MCTP2: variants seen among roughly 807,000 people sequenced by gnomAD.
MCTP2 encodes the protein multiple C2 and transmembrane domain-containing protein 2.
Under a neutral mutation model 111.6 loss-of-function variants are expected in MCTP2, and 132 were observed. The ratio of observed to expected loss-of-function variants is 1.18; its 90% confidence interval spans 1.03 to 1.37. The LOEUF is 1.37. MCTP2 is among the 40% of genes most tolerant of loss of function. The pLI is 0.00. For missense variants in MCTP2, 1,183 were observed against 1,067.9 expected, an observed-to-expected ratio of 1.11 and a Z score of -1.50; for synonymous variants, 395 against 387.7, an observed-to-expected ratio of 1.02 and a Z score of -0.22.
At chr15:94,243,125 A>G (rs531770174) in intron 1 of MCTP2, among the ~76,000 whole-genome samples, 2 of 146,108 alleles carry the variant, frequency 1.4e-5, no homozygotes, top group East Asian at 2.1e-4. Flanking sequence ...GTATATATGT[A>G]TCTACGGGTG....
At chr15:94,402,383 T>G in intron 17 of MCTP2, 1 of 1,503,142 alleles carries the variant, frequency 6.7e-7, no homozygotes, top group Non-Finnish European at 8.9e-7. Flanking sequence ...ATTGTTCAAT[T>G]TACATTTTAA....
At chr15:94,438,639 C>T (rs1190079205) in intron 17 of MCTP2, among the ~76,000 whole-genome samples, 1 of 152,116 alleles carries the variant, frequency 6.6e-6, no homozygotes, top group Middle Eastern at 3.2e-3. Flanking sequence ...TGGTTAGCTA[C>T]CAACCATTCT....
chr15:94,374,041 A>T (rs1490702874), intron 12 of MCTP2, among the ~76,000 whole-genome samples: 1 of 152,242 alleles, frequency 6.6e-6, no homozygotes, highest in African/African-American at 2.4e-5. Flanking sequence ...TCTAATGATT[A>T]ACTGAAAAAG....
In MCTP2 at chr15:94,298,752, C is replaced by CA. The variant is rs1555447830; in HGVS notation, c.465+22_465+23insA. On this transcript the variant is annotated intron_variant, in intron 2 of 22. Transcript: ENST00000357742. Reference sequence around the variant, plus strand: ...AGAGGTGAGAATAGGGCTGGGCTCTCTTTTTTTTTGTCTCTCTCTCTCTCT... The same window carrying CA: ...AGAGGTGAGAATAGGGCTGGGCTCTCATTTTTTTTTGTCTCTCTCTCTCTCT... 3,489 of 1,462,356 alleles carry CA rather than the reference C, an allele frequency of 2.4e-3. 66 individuals carry two copies. The African/African-American group carries it at 0.042, about 18-fold the overall frequency. The allele number at this position is 1,462,356 out of a possible 1,614,324, so 90.6% of individuals were successfully genotyped here.
chr15:94,238,286 A>C (rs1335144616), intron 1 of MCTP2, among the ~76,000 whole-genome samples: 2 of 152,156 alleles, frequency 1.3e-5, no homozygotes, highest in Admixed American at 6.5e-5. Context: ...ATGAGGTAAA[A>C]CGTTTATCAT....
chr15:94,301,355 T>G (rs2075601240), intron 2 of MCTP2, among the ~76,000 whole-genome samples: 1 of 152,186 alleles, frequency 6.6e-6, no homozygotes, highest in East Asian at 1.9e-4. Context: ...CAGTCCTGCC[T>G]GTTTGAGTTG....
chr15:94,334,749 C>T (rs745996175), intron 4 of MCTP2, among the ~76,000 whole-genome samples: 1 of 151,854 alleles, frequency 6.6e-6, no homozygotes, highest in African/African-American at 2.4e-5. Flanking sequence ...GGTCTCACTG[C>T]GTCACTCAGG....
intron 4 of MCTP2, among the ~76,000 whole-genome samples, chr15:94,318,178 T>C (rs1014766768): frequency 4.6e-5 from 7 of 151,926 alleles, no homozygotes; most frequent in African/African-American, 1.5e-4. Flanking sequence ...AGTAGAAGAG[T>C]GTTCTAGAGA....
At chr15:94,234,973 C>T (rs978648884) in intron 1 of MCTP2, among the ~76,000 whole-genome samples, 2 of 152,050 alleles carry the variant, frequency 1.3e-5, no homozygotes, top group African/African-American at 2.4e-5. Context: ...TGGTGGTGGT[C>T]GGGCACAGTG....
rs531596768 is a variant in MCTP2 at position 94,428,447 on chromosome 15, A to G, written c.2086-11729A>G. ...TCCTCTTTTCCCCAGTTGTTTTTTCAGTTCTACTATGACAGTTTTAGATAT... is the reference window on the plus strand; with the variant it reads ...TCCTCTTTTCCCCAGTTGTTTTTTCGGTTCTACTATGACAGTTTTAGATAT... On this transcript the variant is annotated intron_variant, in intron 17 of 22. Transcript: ENST00000357742. 1.4e-4 allele frequency among the ~76,000 whole-genome samples: 21 copies of G among 152,058 alleles called. No homozygotes were observed. The East Asian group carries it at 3.9e-3, about 28-fold the overall frequency.
intron 4 of MCTP2, among the ~76,000 whole-genome samples, chr15:94,315,945 C>G (rs1227726202): frequency 6.6e-6 from 1 of 152,188 alleles, no homozygotes; most frequent in African/African-American, 2.4e-5. Flanking sequence ...TTTCCTCAAT[C>G]CTACTTTAAT....
chr15:94,425,477 G>A (rs1443420268), intron 17 of MCTP2, among the ~76,000 whole-genome samples: 1 of 151,894 alleles, frequency 6.6e-6, no homozygotes, highest in Non-Finnish European at 1.5e-5. Context: ...AAGTAAGTCA[G>A]AGGCAAACTT....
Position 94,427,309 on chromosome 15 carries a change from A to G in MCTP2, c.2086-12867A>G, listed in dbSNP as rs189274590. Among the ~76,000 whole-genome samples, 491 of 152,308 alleles carry G rather than the reference A, an allele frequency of 3.2e-3. 3 individuals are homozygous for G. The highest frequency in any genetic ancestry group is 0.011 in the African/African-American group (448 of 41,566). ...TTGACAAAAACAAGTGTATTAGTCC[A>G]TTCTCACGCTGATATGAAGACATAC... On this transcript the variant is annotated intron_variant, in intron 17 of 22. Coordinates refer to ENST00000357742, the MANE Select transcript of MCTP2 (RefSeq NM_001385001.1).
intron 17 of MCTP2, among the ~76,000 whole-genome samples, chr15:94,431,526 G>GT (rs2083182919): frequency 6.6e-6 from 1 of 152,156 alleles, no homozygotes; most frequent in South Asian, 2.1e-4. Context: ...AAACCTAGTG[G>GT]TGTTTTGTTG....
At chr15:94,285,523 TG>T (rs1226874871) in intron 1 of MCTP2, among the ~76,000 whole-genome samples, 1 of 152,008 alleles carries the variant, frequency 6.6e-6, no homozygotes, top group Non-Finnish European at 1.5e-5. Flanking sequence ...TATTTTTTTT[TG>T]TTGAATGGTA....
At chr15:94,355,845 C>T (rs539799638) in intron 8 of MCTP2, 4 of 823,960 alleles carry the variant, frequency 4.9e-6, no homozygotes, top group South Asian at 1.1e-4. Flanking sequence ...GCTAAAGGCC[C>T]AGTTGAAGGA....
At chr15:94,442,413 AACCCAGGGCAAAATAAT>A (rs2083833130) in intron 18 of MCTP2, among the ~76,000 whole-genome samples, 1 of 152,194 alleles carries the variant, frequency 6.6e-6, no homozygotes, top group Admixed American at 6.5e-5. Flanking sequence ...TCTAACCCTA[AACCCAGGGCAAAATAAT>A]AATGCCACAG....
chr15:94,357,511 A>G (rs937523892), intron 9 of MCTP2, among the ~76,000 whole-genome samples: 6 of 151,948 alleles, frequency 3.9e-5, no homozygotes, highest in Non-Finnish European at 8.8e-5. Context: ...CTTGGGGAAT[A>G]CTGCATTTAA....
chr15:94,325,522 A>G (rs895546875), intron 4 of MCTP2, among the ~76,000 whole-genome samples: 3 of 151,762 alleles, frequency 2.0e-5, no homozygotes, highest in African/African-American at 7.3e-5. Flanking sequence ...ACTTCTTTTG[A>G]GATAAAAGTT....
Sources: allele counts gnomAD v4.1 joint callset (sites outside exome capture counted in the v4.1 genomes callset), GRCh38; gene constraint gnomAD v4.1.1; transcripts MANE v1.5; gene names NCBI Gene and HGNC (gene_info 2026-07-23, HGNC 2026-07-21).